Variants in PCDHGA3 observed in about 807,000 individuals in gnomAD.
PCDHGA3 encodes protocadherin gamma-A3.
In PCDHGA3, 40 loss-of-function variants were observed where a neutral mutation model predicts 58.5. That is an observed-to-expected ratio of 0.68 (90% CI 0.53 to 0.89). The LOEUF is 0.89. PCDHGA3 is among the 40% of genes least tolerant of loss of function. The probability of loss-of-function intolerance (pLI) is 0.00; values close to 1 mark genes in which losing one functional copy is unlikely to be tolerated. For synonymous variants in PCDHGA3, 530 were observed against 525.7 expected, an observed-to-expected ratio of 1.01 and a Z score of -0.11; for missense variants, 1,223 against 1,195.9, an observed-to-expected ratio of 1.02 and a Z score of -0.33.
chr5:141,368,346 CACACACATATATAT>C (rs1161760512), intron 1 of PCDHGA3, among the ~76,000 whole-genome samples: 26 of 152,176 alleles, frequency 1.7e-4, no homozygotes, highest in South Asian at 1.4e-3. Context: ...TATACATATA[CACACACATATATAT>C]ACACACATAT....
At chr5:141,464,759 ACAGG>A (rs2099090169) in intron 1 of PCDHGA3, among the ~76,000 whole-genome samples, 1 of 152,158 alleles carries the variant, frequency 6.6e-6, no homozygotes, top group Non-Finnish European at 1.5e-5. Context: ...TTTTTTAGAG[ACAGG>A]AATCTTGTTC....
rs747205741 is a variant in PCDHGA3, at chr5:141,384,243, C to A, written c.2424+37786C>A. On this transcript the variant is annotated intron_variant, in intron 1 of 3. Coordinates refer to ENST00000253812, the MANE Select transcript of PCDHGA3 (RefSeq NM_018916.4). ...TGCAGGTGGCAGACACCAACGATAA[C>A]CCACCCACCTTCCCCCACTCATCCT... 3.5e-5 allele frequency: 56 copies of A among 1,613,762 alleles called. 1 individual carries two copies. The South Asian group carries it at 6.0e-4, about 17-fold the overall frequency.
chr5:141,356,130 G>A lies in PCDHGA3; in HGVS notation c.2424+9673G>A, dbSNP rs759875517. ...CAATATTGGGGGGTCTAGATTATGA[G>A]GACTCTGGATTCTATGACATAGATG... On this transcript the variant is annotated intron_variant, in intron 1 of 3. Transcript: ENST00000253812. 3.7e-6 allele frequency: 6 copies of A among 1,613,810 alleles called. No homozygotes were observed. The East Asian group carries it at 1.1e-4, about 30-fold the overall frequency.
chr5:141,398,747 A>G (rs1046077050), intron 1 of PCDHGA3: 5 of 1,613,378 alleles, frequency 3.1e-6, no homozygotes, highest in Non-Finnish European at 4.2e-6. Flanking sequence ...CAACAGAGTT[A>G]CCATCGTTTA....
intron 1 of PCDHGA3, chr5:141,362,177 C>T (rs757621451): frequency 1.9e-6 from 3 of 1,613,916 alleles, no homozygotes; most frequent in Non-Finnish European, 2.5e-6. Flanking sequence ...CGCCGGGAGC[C>T]CTCTGACCCC....
At chr5:141,433,406 T>C (rs2097604777) in intron 1 of PCDHGA3, among the ~76,000 whole-genome samples, 1 of 149,982 alleles carries the variant, frequency 6.7e-6, no homozygotes, top group Non-Finnish European at 1.5e-5. Flanking sequence ...TATCTATCTA[T>C]TACTTTCTTG....
At chr5:141,399,728 G>A in intron 1 of PCDHGA3, 1 of 1,613,276 alleles carries the variant, frequency 6.2e-7, no homozygotes, top group East Asian at 2.2e-5. Flanking sequence ...CGCGACCAGG[G>A]CTCGCCTGCG....
intron 1 of PCDHGA3, chr5:141,441,162 G>T (rs1009205566): frequency 6.6e-6 from 1 of 152,166 alleles, no homozygotes; most frequent in African/African-American, 2.4e-5. Context: ...TCCTAGAGGC[G>T]ATTTTTACTT....
At chr5:141,359,957 A>G (rs1191685294) in intron 1 of PCDHGA3, 4 of 582,164 alleles carry the variant, frequency 6.9e-6, no homozygotes, top group Non-Finnish European at 1.1e-5. Flanking sequence ...CAAAAGAACG[A>G]AGAGAAGCGT....
intron 1 of PCDHGA3, among the ~76,000 whole-genome samples, chr5:141,373,077 A>C (rs1216533246): frequency 6.6e-6 from 1 of 152,210 alleles, no homozygotes; most frequent in Non-Finnish European, 1.5e-5. Flanking sequence ...TTAATACAGT[A>C]TTATCTCACA....
In PCDHGA3 at chr5:141,346,019, G is replaced by A. The variant is rs1015633914; in HGVS notation, c.1986G>A (p.Val662=). ...PPLSATVTLT[V]AVADRIPDIL... The stretch of plus-strand genomic sequence containing the variant: ...TCTCCGCCACTGTCACGCTCACCGT[G>A]GCCGTGGCCGACAGGATCCCCGACA... The change falls in exon 1 of 4, where the codon GTG becomes GTA. Residue 662 remains valine, a synonymous_variant. Transcript: ENST00000253812. 9 of 1,613,346 alleles carry A rather than the reference G, an allele frequency of 5.6e-6. No individual in the cohort carries two copies. Among genetic ancestry groups the A allele is most frequent in the Non-Finnish European group, 7.6e-6 (9 of 1,179,834 alleles).
chr5:141,413,263 G>A, intron 1 of PCDHGA3: 1 of 1,613,940 alleles, frequency 6.2e-7, no homozygotes, highest in Admixed American at 1.7e-5. Flanking sequence ...TCCATGGGAG[G>A]CTGGAGCCCG....
At chr5:141,374,758 C>T in intron 1 of PCDHGA3, 1 of 1,613,200 alleles carries the variant, frequency 6.2e-7, no homozygotes, top group South Asian at 1.1e-5. Context: ...GCTCAAGCGT[C>T]GCCCAAATTC....
chr5:141,360,377 G>C (rs1761565545), intron 1 of PCDHGA3: 1 of 1,613,920 alleles, frequency 6.2e-7, no homozygotes, highest in African/African-American at 1.3e-5. Context: ...AACCCAGAAA[G>C]CGGAGACTTA....
intron 1 of PCDHGA3, among the ~76,000 whole-genome samples, chr5:141,347,137 C>CTCTTTCTT (rs70988799): frequency 0.092 from 10,457 of 113,696 alleles, 769 homozygotes; most frequent in South Asian, 0.13. Flanking sequence ...CTCTGTTTCT[C>CTCTTTCTT]TCTTTCTTTC....
At chr5:141,394,635 C>T (rs754317215) in intron 1 of PCDHGA3, 1 of 1,613,428 alleles carries the variant, frequency 6.2e-7, no homozygotes, top group Non-Finnish European at 8.5e-7. Context: ...GTCCTACCGC[C>T]TGCTCAAGGC....
At position 141,431,914 on chromosome 5, in the gene PCDHGA3, C is replaced by A. The variant is rs745837291; in HGVS notation, c.2425-62893C>A. 6.2e-7 allele frequency: 1 copy of A among 1,613,912 alleles called. No individual in the cohort carries two copies. Among genetic ancestry groups the A allele is most frequent in the African/African-American group, 1.3e-5 (1 of 75,070 alleles). On this transcript the variant is annotated intron_variant, in intron 1 of 3. Transcript: ENST00000253812. The surrounding 1 kb of genome is among the most constrained non-coding windows in gnomAD (Gnocchi z 4.8). ...AGGAAAACGGACAGGTGATCTGTTT[C>A]ATCCAAGGAAATCTGCCCTTTAAAT...
At position 141,485,833 on chromosome 5, in the gene PCDHGA3, G is replaced by A. The variant is rs780944737; in HGVS notation, c.2425-8974G>A. 64 of 1,613,904 alleles carry A rather than the reference G, an allele frequency of 4.0e-5. No homozygotes were observed. Among genetic ancestry groups the A allele is most frequent in the Non-Finnish European group, 2.5e-6 (3 of 1,180,004 alleles). On this transcript the variant is annotated intron_variant, in intron 1 of 3. Coordinates refer to ENST00000253812, the MANE Select transcript of PCDHGA3 (RefSeq NM_018916.4). This position sits in a 1 kb window ranked among gnomAD's most constrained non-coding sequence, Gnocchi z 5.7. Reference sequence around the variant, plus strand: ...TGACTGCTGTCGATGGAGGGAACCCGCCGAGATCTGGCACCGCAGAGCTCC... The same window carrying A: ...TGACTGCTGTCGATGGAGGGAACCCACCGAGATCTGGCACCGCAGAGCTCC...
intron 1 of PCDHGA3, among the ~76,000 whole-genome samples, chr5:141,457,274 C>T (rs1307741345): frequency 1.3e-5 from 2 of 152,200 alleles, no homozygotes; most frequent in Non-Finnish European, 2.9e-5. Context: ...CCTCTGTGGG[C>T]CTACGAAGTT....
Sources: gnomAD v4.1 joint callset for allele counts (sites outside exome capture counted in the v4.1 genomes callset) on GRCh38, gnomAD v4.1.1 for gene constraint, Gnocchi (gnomAD v3.1) non-coding constraint, MANE v1.5 for transcripts, NCBI Gene and HGNC (gene_info 2026-07-23, HGNC 2026-07-21) for gene names.